CCDC85A: variants seen among roughly 807,000 people sequenced by gnomAD.
CCDC85A encodes the protein coiled-coil domain containing 85A.
CCDC85A carries 38 observed loss-of-function variants against 50.2 expected under a neutral mutation model. That is an observed-to-expected ratio of 0.76 (90% CI 0.58 to 0.99). CCDC85A has a LOEUF of 0.99. Among genes scored for constraint, CCDC85A ranks in the 50% least tolerant of loss-of-function variants. The pLI is 0.00. For synonymous variants in CCDC85A, 366 were observed against 301.4 expected (o/e 1.21, Z -2.22); for missense variants, 820 against 742.0 (o/e 1.11, Z -1.22).
intron 2 of CCDC85A, among the ~76,000 whole-genome samples, chr2:56,286,011 C>G (rs1026699180): frequency 6.6e-6 from 1 of 151,938 alleles, no homozygotes; most frequent in South Asian, 2.1e-4. Context: ...CAGTCCCCCC[C>G]ACCCCGACCC....
intron 2 of CCDC85A, among the ~76,000 whole-genome samples, chr2:56,203,621 G>A (rs571327567): frequency 6.6e-6 from 1 of 152,058 alleles, no homozygotes; most frequent in African/African-American, 2.4e-5. Context: ...AGCTAAGCTG[G>A]TTTGATTATT....
chr2:56,208,384 G>T (rs1395390880), intron 2 of CCDC85A, among the ~76,000 whole-genome samples: 1 of 152,142 alleles, frequency 6.6e-6, no homozygotes, highest in Non-Finnish European at 1.5e-5. Context: ...CACACATCCA[G>T]ATATACACAT....
chr2:56,279,861 A>G (rs939297808), intron 2 of CCDC85A, among the ~76,000 whole-genome samples: 2 of 152,188 alleles, frequency 1.3e-5, no homozygotes, highest in African/African-American at 4.8e-5. Flanking sequence ...GGTTAATTTC[A>G]TATCTTGGAT....
chr2:56,279,291 C>G (rs2104097233), intron 2 of CCDC85A, among the ~76,000 whole-genome samples: 1 of 152,226 alleles, frequency 6.6e-6, no homozygotes, highest in African/African-American at 2.4e-5. Context: ...TGCAGTTCAC[C>G]CACTTAAAAA....
At chr2:56,226,510 A>T (rs190374085) in intron 2 of CCDC85A, among the ~76,000 whole-genome samples, 124 of 149,562 alleles carry the variant, frequency 8.3e-4, no homozygotes, top group African/African-American at 2.9e-3. Flanking sequence ...ACTATGTCAT[A>T]TTTTTTTTTT....
At chr2:56,251,003 C>A (rs1669728453) in intron 2 of CCDC85A, among the ~76,000 whole-genome samples, 1 of 151,800 alleles carries the variant, frequency 6.6e-6, no homozygotes, top group Non-Finnish European at 1.5e-5. Context: ...TTAGTTCTGT[C>A]TTTTGTGTGT....
At chr2:56,234,909 G>A (rs187239647) in intron 2 of CCDC85A, among the ~76,000 whole-genome samples, 1 of 152,238 alleles carries the variant, frequency 6.6e-6, no homozygotes, top group East Asian at 1.9e-4. Flanking sequence ...TTTTCTGATG[G>A]AGATAGCTTC....
intron 2 of CCDC85A, among the ~76,000 whole-genome samples, chr2:56,227,554 A>G (rs1303741800): frequency 1.3e-5 from 2 of 152,128 alleles, no homozygotes; most frequent in African/African-American, 4.8e-5. Flanking sequence ...TCTGGATCTC[A>G]GGTTTATTCT....
intron 2 of CCDC85A, among the ~76,000 whole-genome samples, chr2:56,273,657 A>C (rs1383567367): frequency 6.6e-6 from 1 of 150,850 alleles, no homozygotes; most frequent in Non-Finnish European, 1.5e-5. Context: ...GAATGAGTGA[A>C]CCAAGAAAAA....
At position 56,325,122 on chromosome 2, in the gene CCDC85A, A is replaced by G. The variant is rs79797815; in HGVS notation, c.1241-17757A>G. ...TGATTTAATAATGCGATTTTATAAT[A>G]CAGCACATAATATTTCTGTGATAAT... On this transcript the variant is annotated intron_variant, in intron 2 of 5. Coordinates refer to ENST00000407595, the MANE Select transcript of CCDC85A (RefSeq NM_001080433.2). 8.2e-3 allele frequency among the ~76,000 whole-genome samples: 1,255 copies of G among 152,208 alleles called. 23 individuals carry two copies. The highest frequency in any genetic ancestry group is 0.029 in the African/African-American group (1,189 of 41,556).
chr2:56,282,232 G>A (rs116556028), intron 2 of CCDC85A, among the ~76,000 whole-genome samples: 1,587 of 152,096 alleles, frequency 0.01, 23 homozygotes, highest in African/African-American at 0.037. Context: ...CCATATATGT[G>A]TGGATCTTTT....
rs1441524080 is a variant in CCDC85A, at chr2:56,193,407, C to A, written c.1207C>A (p.Pro403Thr). Residue 403 changes from proline to threonine, a missense_variant, in exon 2 of 6, where the codon CCC becomes ACC. Transcript: ENST00000407595. The part of the protein sequence containing the change: ...LRRQAQEDGS[P>T]HHRNVYSGMN... ...ACGGCAGGCACAGGAGGACGGGTCA[C>A]CCCATCACCGGAATGTCTACAGTGG... 2 of 1,609,856 alleles carry A rather than the reference C, an allele frequency of 1.2e-6. No individual in the cohort carries two copies. Among genetic ancestry groups the A allele is most frequent in the Admixed American group, 1.7e-5 (1 of 59,488 alleles).
At chr2:56,189,370 C>T (rs2103815504) in intron 1 of CCDC85A, among the ~76,000 whole-genome samples, 1 of 141,880 alleles carries the variant, frequency 7.0e-6, no homozygotes, top group African/African-American at 2.6e-5. Flanking sequence ...TGGCTCACTG[C>T]AGCCTCCTCC....
intron 2 of CCDC85A, among the ~76,000 whole-genome samples, chr2:56,338,294 G>A (rs1246083810): frequency 6.6e-6 from 1 of 152,128 alleles, no homozygotes; most frequent in Non-Finnish European, 1.5e-5. Context: ...ATGACTTTAT[G>A]ATAAAATGAA....
At chr2:56,241,206 A>G (rs984599777) in intron 2 of CCDC85A, among the ~76,000 whole-genome samples, 2 of 152,136 alleles carry the variant, frequency 1.3e-5, no homozygotes, top group African/African-American at 4.8e-5. Context: ...GGAGATATAT[A>G]TATACATATG....
intron 3 of CCDC85A, among the ~76,000 whole-genome samples, chr2:56,364,545 G>T (rs913456888): frequency 6.6e-6 from 1 of 152,120 alleles, no homozygotes; most frequent in African/African-American, 2.4e-5. Context: ...AAACCTTTTG[G>T]AGGGTATTCG....
chr2:56,343,674 A>T (rs1674487142), intron 3 of CCDC85A, among the ~76,000 whole-genome samples: 1 of 152,230 alleles, frequency 6.6e-6, no homozygotes. Context: ...CTTTTCAAGC[A>T]TGTGGACAAT....
rs72923419 is a variant in CCDC85A, at chr2:56,242,108, A to G, written c.1240+48668A>G. On this transcript the variant is annotated intron_variant, in intron 2 of 5. Coordinates refer to ENST00000407595, the MANE Select transcript of CCDC85A (RefSeq NM_001080433.2). ...ATGTTGAGCACCTTTTCATATGCCT[A>G]TTTTCCAATTGTATGTTTTCTTTTG... Among the ~76,000 whole-genome samples, 251 of 152,092 alleles carry G rather than the reference A, an allele frequency of 1.7e-3. 2 individuals carry two copies. The highest frequency in any genetic ancestry group is 5.7e-3 in the African/African-American group (238 of 41,504).
rs1032602395 is a variant in CCDC85A at position 56,200,174 on chromosome 2, G to C, written c.1240+6734G>C. ...GAGCCAACACACCCAGCCCGTTTTTGCTTGTTGGCTGAGTCTTGACTACAG... is the reference window on the plus strand; with the variant it reads ...GAGCCAACACACCCAGCCCGTTTTTCCTTGTTGGCTGAGTCTTGACTACAG... On this transcript the variant is annotated intron_variant, in intron 2 of 5. Coordinates refer to ENST00000407595, the MANE Select transcript of CCDC85A (RefSeq NM_001080433.2). Among the ~76,000 whole-genome samples the C allele has an allele frequency of 4.6e-5, 7 of 152,190 alleles. No homozygotes were observed. In the East Asian group the frequency reaches 1.3e-3, roughly 29 times the overall value.
Sources: gnomAD v4.1 joint callset for allele counts (sites outside exome capture counted in the v4.1 genomes callset) on GRCh38, gnomAD v4.1.1 for gene constraint, MANE v1.5 for transcripts, NCBI Gene and HGNC (gene_info 2026-07-23, HGNC 2026-07-21) for gene names.